The following HSPA12A variants were observed in gnomAD, a reference collection of about 807,000 sequenced individuals.
HSPA12A encodes heat shock 70 kDa protein 12A.
HSPA12A carries 28 observed loss-of-function variants against 69.2 expected under a neutral mutation model. The ratio of observed to expected loss-of-function variants is 0.40; its 90% confidence interval spans 0.30 to 0.55. The LOEUF (loss-of-function observed/expected upper bound fraction) is 0.55. HSPA12A is among the 20% of genes least tolerant of loss of function. HSPA12A has a pLI of 0.38. For missense variants in HSPA12A, 686 were observed against 900.7 expected (o/e 0.76, Z 3.05); for synonymous variants, 345 against 370.5 (o/e 0.93, Z 0.79).
At chr10:116,834,374 G>A (rs1336703802) in intron 2 of HSPA12A, among the ~76,000 whole-genome samples, 1 of 152,098 alleles carries the variant, frequency 6.6e-6, no homozygotes, top group East Asian at 1.9e-4. Flanking sequence ...GTTTGTCGGT[G>A]GCATCTCCCC....
intron 2 of HSPA12A, among the ~76,000 whole-genome samples, chr10:116,809,004 C>T (rs560074239): frequency 1.3e-5 from 2 of 152,264 alleles, no homozygotes; most frequent in African/African-American, 2.4e-5. Flanking sequence ...TCTCTTCCTC[C>T]GCTCCTTCCT....
intron 2 of HSPA12A, among the ~76,000 whole-genome samples, chr10:116,794,453 A>G (rs766914184): frequency 1.3e-5 from 2 of 152,192 alleles, no homozygotes; most frequent in Admixed American, 6.5e-5. Flanking sequence ...CAAATTTCAA[A>G]GGACTGAACA....
chr10:116,814,157 G>C (rs1355412001), intron 2 of HSPA12A, among the ~76,000 whole-genome samples: 2 of 152,172 alleles, frequency 1.3e-5, no homozygotes, highest in Non-Finnish European at 2.9e-5. Context: ...GAAAATTCTA[G>C]AACTGAAAAC....
At chr10:116,702,335 G>A (rs1850103412) in intron 3 of HSPA12A, among the ~76,000 whole-genome samples, 2 of 152,088 alleles carry the variant, frequency 1.3e-5, no homozygotes, top group Non-Finnish European at 2.9e-5. Flanking sequence ...CCTCAGGTGG[G>A]GACGCAGTGC....
At chr10:116,722,212 T>C (rs937635932) in intron 1 of HSPA12A, among the ~76,000 whole-genome samples, 9 of 152,200 alleles carry the variant, frequency 5.9e-5, no homozygotes, top group African/African-American at 2.2e-4. Context: ...CAGAGAGGAA[T>C]GCTCCAGACG....
At chr10:116,804,349 G>A (rs1446738586) in intron 2 of HSPA12A, among the ~76,000 whole-genome samples, 1 of 152,134 alleles carries the variant, frequency 6.6e-6, no homozygotes, top group Non-Finnish European at 1.5e-5. Flanking sequence ...TTGTAACAGC[G>A]GTGGCACCAG....
chr10:116,778,687 A>G (rs1247167113), intron 2 of HSPA12A, among the ~76,000 whole-genome samples: 2 of 152,214 alleles, frequency 1.3e-5, no homozygotes, highest in African/African-American at 2.4e-5. Context: ...GGATCGCTTG[A>G]GCCCAAAACT....
chr10:116,803,809 G>C (rs750827235), intron 2 of HSPA12A, among the ~76,000 whole-genome samples: 1 of 152,224 alleles, frequency 6.6e-6, no homozygotes, highest in Non-Finnish European at 1.5e-5. Context: ...TTCTCTGACT[G>C]CGTGACCACG....
chr10:116,793,906 TA>T (rs1564821761), intron 2 of HSPA12A, among the ~76,000 whole-genome samples: 1 of 151,294 alleles, frequency 6.6e-6, no homozygotes, highest in Non-Finnish European at 1.5e-5. Context: ...ACAATAAACA[TA>T]AAGGGACCAG....
chr10:116,700,015 C>A (rs1247268935), intron 4 of HSPA12A, among the ~76,000 whole-genome samples: 1 of 152,190 alleles, frequency 6.6e-6, no homozygotes. Context: ...TTAATCTGCA[C>A]CAGGCATGGC....
intron 2 of HSPA12A, among the ~76,000 whole-genome samples, chr10:116,793,524 T>C (rs1844746079): frequency 6.6e-6 from 1 of 152,026 alleles, no homozygotes; most frequent in Non-Finnish European, 1.5e-5. Flanking sequence ...TAAGCCACGA[T>C]CACACCACTG....
intron 2 of HSPA12A, among the ~76,000 whole-genome samples, chr10:116,792,497 C>G (rs1213957961): frequency 6.6e-6 from 1 of 151,668 alleles, no homozygotes; most frequent in Non-Finnish European, 1.5e-5. Flanking sequence ...AATAAATCAG[C>G]TGGGCGCAGT....
intron 2 of HSPA12A, 116 bp downstream of exon 2, chr10:116,707,084 G>T: frequency 1.2e-6 from 1 of 828,402 alleles, no homozygotes; most frequent in Non-Finnish European, 1.8e-6. Flanking sequence ...CCAGCAGCCT[G>T]AACTGTGAGA....
In HSPA12A at chr10:116,740,697, CGT is replaced by C. The variant is rs1182877230; in HGVS notation, c.40+1731_40+1732del. Among the ~76,000 whole-genome samples, 42 of 86,506 alleles carry C rather than the reference CGT, an allele frequency of 4.9e-4. 1 individual carries two copies. Among genetic ancestry groups the C allele is most frequent in the African/African-American group, 8.6e-4 (18 of 20,828 alleles). The allele number at this position is 86,506 out of a possible 152,430, so 56.8% of individuals were successfully genotyped here. A position where few individuals can be genotyped will look rare whatever the true frequency, so the allele number is the denominator to read the frequency against. ...GTGTCTGTGTGTGTGTGTGTGTGTG[CGT>C]GTGTGTGTGTGTTAGGATAGGGGTG... On this transcript the variant is annotated intron_variant, in intron 1 of 11. Transcript: ENST00000369209.
At chr10:116,833,000 GAA>G (rs1046972812) in intron 2 of HSPA12A, 14 of 152,302 alleles carry the variant, frequency 9.2e-5, no homozygotes, top group African/African-American at 3.1e-4. Context: ...CTGAAAAACC[GAA>G]GTTTCAGATG....
intron 1 of HSPA12A, among the ~76,000 whole-genome samples, chr10:116,843,581 T>C (rs1845836109): frequency 6.6e-6 from 1 of 152,192 alleles, no homozygotes; most frequent in South Asian, 2.1e-4. Flanking sequence ...AAGTGGGAAC[T>C]GGAAGAACCA....
intron 5 of HSPA12A, among the ~76,000 whole-genome samples, chr10:116,693,006 T>C (rs564298906): frequency 6.6e-6 from 1 of 152,288 alleles, no homozygotes; most frequent in Admixed American, 6.5e-5. Context: ...TCAGTACCTT[T>C]TTGACCACTG....
intron 2 of HSPA12A, among the ~76,000 whole-genome samples, chr10:116,789,045 T>C (rs1281431355): frequency 6.6e-6 from 1 of 152,008 alleles, no homozygotes; most frequent in Non-Finnish European, 1.5e-5. Context: ...TTTGTATTTT[T>C]AGTGGAGACA....
At chr10:116,761,258 G>A (rs1277241393) in intron 2 of HSPA12A, among the ~76,000 whole-genome samples, 1 of 152,148 alleles carries the variant, frequency 6.6e-6, no homozygotes, top group East Asian at 1.9e-4. Flanking sequence ...GGCCGAGGCA[G>A]GTGGATCACT....
Sources: allele counts gnomAD v4.1 joint callset (sites outside exome capture counted in the v4.1 genomes callset), GRCh38; gene constraint gnomAD v4.1.1; transcripts MANE v1.5; gene names NCBI Gene and HGNC (gene_info 2026-07-23, HGNC 2026-07-21).